Variants in ZMAT4 observed in about 807,000 individuals in gnomAD.
The protein encoded by ZMAT4 is zinc finger matrin-type 4, also known as zinc finger matrin-type protein 4.
ZMAT4 carries 17 observed loss-of-function variants against 28.7 expected under a neutral mutation model. The ratio of observed to expected loss-of-function variants is 0.59; its 90% CI spans 0.41 to 0.89. The LOEUF (loss-of-function observed/expected upper bound fraction) is 0.89, where lower values mean the gene tolerates loss of function less well. Ranked by LOEUF, ZMAT4 falls within the 40% of genes least tolerant of loss-of-function variation. The pLI is 0.00. For synonymous variants in ZMAT4, 117 were observed against 109.2 expected, an observed-to-expected ratio of 1.07 and a Z score of -0.44; for missense variants, 240 against 283.8, an observed-to-expected ratio of 0.85 and a Z score of 1.11.
chr8:40,570,941 G>T (rs945246830), intron 6 of ZMAT4, among the ~76,000 whole-genome samples: 2 of 152,106 alleles, frequency 1.3e-5, no homozygotes, highest in Non-Finnish European at 2.9e-5. Flanking sequence ...CACCCCTGGA[G>T]ATTGGTACTG....
intron 5 of ZMAT4, among the ~76,000 whole-genome samples, chr8:40,613,286 A>C (rs1483550990): frequency 1.5e-5 from 2 of 137,380 alleles, no homozygotes; most frequent in Admixed American, 1.6e-4. Context: ...GGGTTCAAGC[A>C]ATCCTCCTGA....
rs1484184228 is a variant in ZMAT4, at chr8:40,757,510, TG to T, written c.192+10130del. ...CTGAGGCAGGAGAATCACTGGAACC[TG>T]GAGGGCGGAGGTTGCAGTAAGCCAA... On this transcript the variant is annotated intron_variant, in intron 3 of 6. Coordinates refer to ENST00000297737, the MANE Select transcript of ZMAT4 (RefSeq NM_024645.3). Among the ~76,000 whole-genome samples, 3 of 150,376 alleles carry T rather than the reference TG, an allele frequency of 2.0e-5. No individual in the cohort carries two copies. In the East Asian group the frequency reaches 5.9e-4, roughly 30 times the overall value.
intron 2 of ZMAT4, among the ~76,000 whole-genome samples, chr8:40,769,485 T>G (rs1454386801): frequency 1.3e-5 from 2 of 152,174 alleles, no homozygotes; most frequent in African/African-American, 2.4e-5. Flanking sequence ...GAAGGAGTCA[T>G]GGTTATATTG....
At chr8:40,713,209 A>G (rs1471385855) in intron 3 of ZMAT4, among the ~76,000 whole-genome samples, 1 of 152,214 alleles carries the variant, frequency 6.6e-6, no homozygotes, top group African/African-American at 2.4e-5. Context: ...GGAAAAGGAC[A>G]TTATTCAATA....
At chr8:40,707,961 G>A (rs995178635) in intron 3 of ZMAT4, among the ~76,000 whole-genome samples, 1 of 151,972 alleles carries the variant, frequency 6.6e-6, no homozygotes, top group African/African-American at 2.4e-5. Context: ...AGAAAATGTT[G>A]GCAGCAGTGG....
chr8:40,825,760 G>A, intron 1 of ZMAT4, 80 bp from the exon 2 acceptor site: 2 of 1,151,832 alleles, frequency 1.7e-6, no homozygotes, highest in Non-Finnish European at 2.5e-6. Context: ...TGAAAAGCCA[G>A]GATCACAGTA....
chr8:40,625,090 G>A (rs1223647380), intron 5 of ZMAT4, among the ~76,000 whole-genome samples: 1 of 152,148 alleles, frequency 6.6e-6, no homozygotes, highest in African/African-American at 2.4e-5. Context: ...TGAGCGGGTG[G>A]TAGCCATATG....
chr8:40,644,742 G>C (rs1369718239), intron 5 of ZMAT4, among the ~76,000 whole-genome samples: 1 of 152,170 alleles, frequency 6.6e-6, no homozygotes, highest in East Asian at 1.9e-4. Context: ...GAGTGACCAA[G>C]ATGATCAACA....
chr8:40,659,079 A>AT (rs1808067466), intron 5 of ZMAT4, among the ~76,000 whole-genome samples: 4 of 152,180 alleles, frequency 2.6e-5, no homozygotes, highest in Non-Finnish European at 4.4e-5. Flanking sequence ...ACACTTGGAA[A>AT]ATATGAGTGA....
At chr8:40,660,365 A>T (rs572401702) in intron 5 of ZMAT4, among the ~76,000 whole-genome samples, 3 of 152,244 alleles carry the variant, frequency 2.0e-5, no homozygotes, top group Non-Finnish European at 2.9e-5. Context: ...TATGCAAATC[A>T]TCTGAAGATC....
intron 6 of ZMAT4, 65 bp from the exon 7 acceptor site, chr8:40,532,303 T>TA (rs1554518499): frequency 2.1e-6 from 3 of 1,458,850 alleles, no homozygotes; most frequent in South Asian, 1.3e-5. Context: ...CACCTCTTTC[T>TA]CCCCCCCACC....
chr8:40,674,975 A>G lies in ZMAT4; in HGVS notation c.350-44T>C, dbSNP rs752543102. ...AGAGAACCACAGCCACGTTAGTCCA[A>G]CACTGAGTCCACTCTTCCTCAATAC... On this transcript the variant is annotated intron_variant, in intron 4 of 6. Transcript: ENST00000297737. The G allele has an allele frequency of 2.7e-5, 40 of 1,485,636 alleles. No homozygotes were observed. In the South Asian group the frequency reaches 4.2e-4, roughly 16 times the overall value. The allele number at this position is 1,485,636 out of a possible 1,614,324, so 92.0% of individuals were successfully genotyped here. A position where few individuals can be genotyped will look rare whatever the true frequency, so the allele number is the denominator to read the frequency against.
intron 5 of ZMAT4, among the ~76,000 whole-genome samples, chr8:40,664,862 C>T (rs1808341456): frequency 6.6e-6 from 1 of 152,140 alleles, no homozygotes; most frequent in South Asian, 2.1e-4. Flanking sequence ...GGAGCAGACC[C>T]ACAGCCTGAG....
chr8:40,896,202 A>C (rs1488274628), intron 1 of ZMAT4, among the ~76,000 whole-genome samples: 1 of 152,176 alleles, frequency 6.6e-6, no homozygotes, highest in African/African-American at 2.4e-5. Context: ...ATAAGAATTA[A>C]AAAGTGGAAG....
At chr8:40,765,270 A>T (rs1259621595) in intron 3 of ZMAT4, among the ~76,000 whole-genome samples, 1 of 144,994 alleles carries the variant, frequency 6.9e-6, no homozygotes, top group East Asian at 3.1e-4. Context: ...TGTACAAAAG[A>T]AAGTTGATTC....
At chr8:40,576,636 A>C (rs1309350629) in intron 6 of ZMAT4, among the ~76,000 whole-genome samples, 1 of 152,198 alleles carries the variant, frequency 6.6e-6, no homozygotes, top group African/African-American at 2.4e-5. Context: ...AATCATCACC[A>C]GACCAGCCTT....
At chr8:40,619,230 G>T (rs1400161341) in intron 5 of ZMAT4, among the ~76,000 whole-genome samples, 3 of 152,190 alleles carry the variant, frequency 2.0e-5, no homozygotes, top group Non-Finnish European at 2.9e-5. Flanking sequence ...TTGAGTCCAC[G>T]TGCACTAAAG....
intron 5 of ZMAT4, among the ~76,000 whole-genome samples, chr8:40,582,363 G>A (rs1804494840): frequency 6.6e-6 from 1 of 152,156 alleles, no homozygotes; most frequent in Non-Finnish European, 1.5e-5. Context: ...AGTCAGGCAT[G>A]GTGGCACACA....
At chr8:40,559,843 G>A (rs140654485) in intron 6 of ZMAT4, among the ~76,000 whole-genome samples, 39 of 151,968 alleles carry the variant, frequency 2.6e-4, no homozygotes, top group Non-Finnish European at 4.0e-4. Context: ...ACAAACACAC[G>A]TTTGTGAAAT....
Sources: allele counts gnomAD v4.1 joint callset (sites outside exome capture counted in the v4.1 genomes callset), GRCh38; gene constraint gnomAD v4.1.1; transcripts MANE v1.5; gene names NCBI Gene and HGNC (gene_info 2026-07-23, HGNC 2026-07-21).